The following RBBP5 variants were observed in gnomAD, a reference collection of about 807,000 sequenced individuals.
The protein encoded by RBBP5 is RB binding protein 5, histone lysine methyltransferase complex subunit.
In RBBP5, 5 loss-of-function variants were observed where a neutral mutation model predicts 72.2. The observed-to-expected ratio is 0.07, with a 90% CI of 0.04 to 0.15. RBBP5 has a LOEUF of 0.15. Among genes scored for constraint, RBBP5 ranks in the 10% least tolerant of loss-of-function variants. The pLI, the probability that RBBP5 is intolerant of heterozygous loss-of-function variation, is 1.00. For synonymous variants in RBBP5, 209 were observed against 237.2 expected (o/e 0.88, Z 1.09); for missense variants, 322 against 652.2 (o/e 0.49, Z 5.51).
chr1:205,104,037 C>G lies in RBBP5; in HGVS notation c.360-18G>C. ...CCTTGTTCCTGTTTAAAAATACGAA[C>G]AGTACATTGGCTGTTGCTTTGGTAT... On this transcript the variant is annotated intron_variant, in intron 4 of 13. Coordinates refer to ENST00000264515, the MANE Select transcript of RBBP5 (RefSeq NM_005057.4). The G allele has an allele frequency of 1.9e-6, 3 of 1,610,718 alleles. No individual in the cohort carries two copies. The highest frequency in any genetic ancestry group is 2.5e-6 in the Non-Finnish European group (3 of 1,177,140).
At position 205,086,155 on chromosome 1, in the gene RBBP5, A is replaced by G. The variant is rs951688398; in HGVS notation, c.*2632T>C. On this transcript the variant is annotated 3_prime_UTR_variant, in exon 14 of 14. Transcript: ENST00000264515. ...CATCTACACCTGTTCTTTAATAAAC[A>G]TCCGATTTTATTTACAAAGCATTAA... 1.2e-4 allele frequency: 19 copies of G among 152,114 alleles called. No homozygotes were observed. The highest frequency in any genetic ancestry group is 3.6e-4 in the African/African-American group (15 of 41,414). 9.4% of individuals were successfully genotyped at this position (152,114 alleles called of 1,614,324 possible).
chr1:205,107,798 T>C (rs1352788404), intron 3 of RBBP5, among the ~76,000 whole-genome samples: 3 of 151,680 alleles, frequency 2.0e-5, no homozygotes, highest in African/African-American at 7.3e-5. Flanking sequence ...ATACAAAAAT[T>C]AGCCAGGCAT....
At chr1:205,116,127 G>A (rs1443802929) in intron 1 of RBBP5, 1 of 653,612 alleles carries the variant, frequency 1.5e-6, no homozygotes, top group Non-Finnish European at 2.5e-6. Context: ...GAAACAGAGT[G>A]AGGGCAGAAG....
intron 10 of RBBP5, among the ~76,000 whole-genome samples, chr1:205,098,017 C>T (rs1457536694): frequency 6.6e-6 from 1 of 151,980 alleles, no homozygotes; most frequent in Non-Finnish European, 1.5e-5. Flanking sequence ...TGTTAGACAC[C>T]ACGGGGATTA....
chr1:205,088,672 G>GGA lies in RBBP5; in HGVS notation c.*114_*115insTC. 2 of 1,046,306 alleles carry GGA rather than the reference G, an allele frequency of 1.9e-6. No individual in the cohort carries two copies. Among genetic ancestry groups the GGA allele is most frequent in the Non-Finnish European group, 2.8e-6 (2 of 708,022 alleles). 64.8% of individuals were successfully genotyped at this position (1,046,306 alleles called of 1,614,324 possible). On this transcript the variant is annotated 3_prime_UTR_variant, in exon 14 of 14. Coordinates refer to ENST00000264515, the MANE Select transcript of RBBP5 (RefSeq NM_005057.4). ...CATAAAATTCACCCTCCCACCTCCTGGGTGGGAGGCACAGGCCTTTGTTTT... is the reference window on the plus strand; with the variant it reads ...CATAAAATTCACCCTCCCACCTCCTGGAGGTGGGAGGCACAGGCCTTTGTTTT...
At chr1:205,119,672 C>T (rs1207012584) in intron 1 of RBBP5, among the ~76,000 whole-genome samples, 1 of 152,208 alleles carries the variant, frequency 6.6e-6, no homozygotes, top group African/African-American at 2.4e-5. Flanking sequence ...AGCCCTCAGA[C>T]TCAACTGCTC....
rs1370120517 is a variant in RBBP5, at chr1:205,087,578, C to T, written c.*1209G>A. ...GAAAAAAAAAAAAAAAAAAAAAAGA[C>T]GATCCAGATTAAGCACTTCCAGTCA... is the stretch of plus-strand genomic sequence containing the variant. On this transcript the variant is annotated 3_prime_UTR_variant, in exon 14 of 14. Transcript: ENST00000264515. 1.5e-5 allele frequency: 2 copies of T among 137,660 alleles called. No individual in the cohort carries two copies. Among genetic ancestry groups the T allele is most frequent in the South Asian group, 4.6e-4 (2 of 4,364 alleles). The allele number at this position is 137,660 out of a possible 1,614,324, so 8.5% of individuals were successfully genotyped here.
intron 13 of RBBP5, 134 bp downstream of exon 13, chr1:205,094,739 A>G (rs186444392): frequency 1.1e-4 from 121 of 1,069,860 alleles, no homozygotes; most frequent in Admixed American, 1.0e-3. Flanking sequence ...CAGCAGCTTA[A>G]AATTCAGAAA....
At chr1:205,096,992 A>G (rs1440306984) in intron 11 of RBBP5, 81 bp from the exon 12 acceptor site, 6 of 1,243,158 alleles carry the variant, frequency 4.8e-6, no homozygotes, top group African/African-American at 1.5e-5. Flanking sequence ...TCTATCACCT[A>G]TATTAAGCAT....
At chr1:205,098,044 T>C (rs551019304) in intron 10 of RBBP5, among the ~76,000 whole-genome samples, 40 of 152,290 alleles carry the variant, frequency 2.6e-4, no homozygotes, top group African/African-American at 9.6e-4. Context: ...CAAATCTTTA[T>C]TCTCAAGGAG....
intron 1 of RBBP5, among the ~76,000 whole-genome samples, chr1:205,120,038 T>C (rs977637077): frequency 1.3e-5 from 2 of 152,184 alleles, no homozygotes; most frequent in African/African-American, 4.8e-5. Context: ...CCTTACACTT[T>C]ATCAACAGCA....
In RBBP5 at chr1:205,121,938, G is replaced by A; in HGVS notation, c.-65C>T. ...AACACCTTCTCCCCGGCCGGCTTCA[G>A]CAACTTGCGTCTAAGTGGTGGACGC... On this transcript the variant is annotated 5_prime_UTR_variant, in exon 1 of 14. Transcript: ENST00000264515. 6 of 1,602,716 alleles carry A rather than the reference G, an allele frequency of 3.7e-6. No homozygotes were observed. Among genetic ancestry groups the A allele is most frequent in the Non-Finnish European group, 5.1e-6 (6 of 1,179,102 alleles).
chr1:205,099,263 A>C lies in RBBP5; in HGVS notation c.979-157T>G, dbSNP rs1655731432. On this transcript the variant is annotated intron_variant, in intron 9 of 13. Coordinates refer to ENST00000264515, the MANE Select transcript of RBBP5 (RefSeq NM_005057.4). This position sits in a 1 kb window ranked among gnomAD's most constrained non-coding sequence, Gnocchi z 4.7. Reference sequence around the variant, plus strand: ...AAAATGGGTATCTGTAAGTTTTACTAGCTTAGGTATTTTCTATCTTAAACA... The same window carrying C: ...AAAATGGGTATCTGTAAGTTTTACTCGCTTAGGTATTTTCTATCTTAAACA... Among the ~76,000 whole-genome samples the C allele has an allele frequency of 6.6e-6, 1 of 152,258 alleles. No individual in the cohort carries two copies. Among genetic ancestry groups the C allele is most frequent in the South Asian group, 2.1e-4 (1 of 4,838 alleles).
chr1:205,089,030 C>T (rs1398044722), intron 13 of RBBP5, among the ~76,000 whole-genome samples: 1 of 152,174 alleles, frequency 6.6e-6, no homozygotes, highest in African/African-American at 2.4e-5. Context: ...CAATACTTTC[C>T]TCAGTACTGT....
chr1:205,095,018 C>T lies in RBBP5; in HGVS notation c.1443G>A (p.Lys481=). Reference sequence around the variant, plus strand: ...ATCCTTTAGGCCGGCCTGCTTGCTTCTTCTTGGATTTGCCATCCCCCTTCA... The same window carrying T: ...ATCCTTTAGGCCGGCCTGCTTGCTTTTTCTTGGATTTGCCATCCCCCTTCA... ...LGVKGDGKSK[K]KQAGRPKGSK... The change falls in exon 13 of 14, where the codon AAG becomes AAA. Residue 481 remains lysine, a synonymous_variant. Transcript: ENST00000264515. The T allele has an allele frequency of 6.2e-7, 1 of 1,614,070 alleles. No individual in the cohort carries two copies. Among genetic ancestry groups the T allele is most frequent in the Non-Finnish European group, 8.5e-7 (1 of 1,180,002 alleles).
At chr1:205,090,710 C>T (rs960685484) in intron 13 of RBBP5, among the ~76,000 whole-genome samples, 6 of 152,150 alleles carry the variant, frequency 3.9e-5, no homozygotes, top group African/African-American at 1.4e-4. Flanking sequence ...TTGGTACTTT[C>T]CAGTAGCAGC....
intron 3 of RBBP5, among the ~76,000 whole-genome samples, chr1:205,111,563 A>G (rs1403430970): frequency 6.6e-6 from 1 of 152,210 alleles, no homozygotes; most frequent in Non-Finnish European, 1.5e-5. Flanking sequence ...TCACACCCCA[A>G]TCAAATTAAT....
intron 13 of RBBP5, among the ~76,000 whole-genome samples, chr1:205,093,521 TATATATATATATACACAC>T (rs1558570472): frequency 6.0e-4 from 13 of 21,582 alleles, no homozygotes; most frequent in African/African-American, 5.1e-3. Context: ...TATATATATA[TATATATATATATACACAC>T]ACACACACAC....
At chr1:205,101,803 A>T in intron 5 of RBBP5, 94 bp from the exon 6 acceptor site, 1 of 871,708 alleles carries the variant, frequency 1.1e-6, no homozygotes, top group Non-Finnish European at 1.8e-6. Flanking sequence ...AGACTGGGTA[A>T]AAATGCAAAT....
Sources: gnomAD v4.1 joint callset for allele counts (sites outside exome capture counted in the v4.1 genomes callset) on GRCh38, gnomAD v4.1.1 for gene constraint, Gnocchi (gnomAD v3.1) non-coding constraint, MANE v1.5 for transcripts, NCBI Gene and HGNC (gene_info 2026-07-23, HGNC 2026-07-21) for gene names.